The following UTRN variants were observed in gnomAD, a reference collection of about 807,000 sequenced individuals.
UTRN encodes dystrophin-related protein 1.
A neutral mutation model predicts 463.9 loss-of-function variants in UTRN; 283 were observed. The observed-to-expected ratio is 0.61, with a 90% CI of 0.55 to 0.67. The LOEUF (loss-of-function observed/expected upper bound fraction) is 0.67, where lower values mean the gene tolerates loss of function less well. Among genes scored for constraint, UTRN ranks in the 30% least tolerant of loss-of-function variants. The pLI, the probability that UTRN is intolerant of heterozygous loss-of-function variation, is 0.00. For missense variants in UTRN, 3,922 were observed against 4,084.3 expected (o/e 0.96, Z 1.08); for synonymous variants, 1,442 against 1,431.5 (o/e 1.01, Z -0.17).
intron 51 of UTRN, among the ~76,000 whole-genome samples, chr6:144,605,288 A>G (rs1050595979): frequency 6.6e-6 from 1 of 152,150 alleles, no homozygotes; most frequent in Non-Finnish European, 1.5e-5. Flanking sequence ...TCAAAATTTT[A>G]TAGCACATCT....
At chr6:144,667,620 A>T (rs1026970249) in intron 51 of UTRN, among the ~76,000 whole-genome samples, 4 of 152,226 alleles carry the variant, frequency 2.6e-5, no homozygotes, top group Admixed American at 2.0e-4. Flanking sequence ...GCAAAACACT[A>T]TCTGCACACC....
At chr6:144,499,801 C>T (rs957694127) in intron 34 of UTRN, among the ~76,000 whole-genome samples, 6 of 152,188 alleles carry the variant, frequency 3.9e-5, no homozygotes, top group African/African-American at 9.6e-5. Flanking sequence ...CAGTGTTTAT[C>T]GTTCCCTTCT....
intron 2 of UTRN, among the ~76,000 whole-genome samples, chr6:144,368,524 C>T (rs752354010): frequency 7.2e-5 from 11 of 152,054 alleles, no homozygotes; most frequent in African/African-American, 1.4e-4. Context: ...GTAATCCCAG[C>T]GCTTTGGGAG....
At chr6:144,840,681 A>G (rs1781490134) in intron 72 of UTRN, 59 bp from the exon 73 acceptor site, 1 of 1,583,112 alleles carries the variant, frequency 6.3e-7, no homozygotes, top group Admixed American at 1.7e-5. Flanking sequence ...TTTGGGTTTT[A>G]GTGGAAGGCT....
intron 2 of UTRN, among the ~76,000 whole-genome samples, chr6:144,366,957 T>C (rs1779561799): frequency 6.6e-6 from 1 of 152,182 alleles, no homozygotes; most frequent in South Asian, 2.1e-4. Flanking sequence ...TGATGTGAGA[T>C]GGTATCTCTA....
rs1401771954 is a variant in UTRN at position 144,822,794 on chromosome 6, T to C, written c.9494+1776T>C. Among the ~76,000 whole-genome samples the C allele has an allele frequency of 8.5e-5, 13 of 152,132 alleles. 1 individual carries two copies. In the East Asian group the frequency reaches 2.5e-3, roughly 29 times the overall value. ...GTACTTTTTTTGTATCCCATCCAGT[T>C]AACCTTTGGAATGGATAATTCTGAG... On this transcript the variant is annotated intron_variant, in intron 66 of 74. Transcript: ENST00000367545.
intron 52 of UTRN, among the ~76,000 whole-genome samples, chr6:144,691,236 C>T (rs1203942217): frequency 1.3e-5 from 2 of 152,170 alleles, no homozygotes; most frequent in African/African-American, 4.8e-5. Flanking sequence ...CATGCCTCAG[C>T]CTCCCATGTA....
At chr6:144,597,775 AC>A (rs1803812573) in intron 51 of UTRN, among the ~76,000 whole-genome samples, 1 of 152,142 alleles carries the variant, frequency 6.6e-6, no homozygotes, top group Admixed American at 6.5e-5. Context: ...TCATAACTAT[AC>A]CTTTTTGTTT....
chr6:144,362,974 G>A (rs1366200422), intron 2 of UTRN, among the ~76,000 whole-genome samples: 3 of 152,152 alleles, frequency 2.0e-5, no homozygotes, highest in Non-Finnish European at 4.4e-5. Context: ...TTTGTATTAT[G>A]TGGGTTTGCT....
chr6:144,716,475 A>G (rs759784327), intron 53 of UTRN, among the ~76,000 whole-genome samples: 4 of 152,174 alleles, frequency 2.6e-5, no homozygotes, highest in Non-Finnish European at 5.9e-5. Context: ...GGAAAGTTTT[A>G]TAATTGTTAC....
intron 33 of UTRN, among the ~76,000 whole-genome samples, chr6:144,494,758 A>G (rs1366860125): frequency 6.6e-6 from 1 of 152,144 alleles, no homozygotes; most frequent in Non-Finnish European, 1.5e-5. Flanking sequence ...CTAGATACAG[A>G]GTGTTGATTG....
At chr6:144,550,449 T>G (rs912409062) in intron 47 of UTRN, among the ~76,000 whole-genome samples, 5 of 152,204 alleles carry the variant, frequency 3.3e-5, no homozygotes, top group Non-Finnish European at 4.4e-5. Context: ...TTATTAGCAC[T>G]GAGAGACAAA....
chr6:144,808,516 A>C (rs1778341477), intron 65 of UTRN, among the ~76,000 whole-genome samples: 1 of 152,116 alleles, frequency 6.6e-6, no homozygotes, highest in African/African-American at 2.4e-5. Context: ...AGAGCATATA[A>C]AAGATAGTGT....
At chr6:144,817,235 T>C (rs912496506) in intron 65 of UTRN, among the ~76,000 whole-genome samples, 2 of 152,190 alleles carry the variant, frequency 1.3e-5, no homozygotes, top group Non-Finnish European at 2.9e-5. Flanking sequence ...AGGTACAAGG[T>C]CCTATGCTAA....
intron 43 of UTRN, among the ~76,000 whole-genome samples, chr6:144,534,652 T>C (rs966815353): frequency 2.0e-5 from 3 of 152,370 alleles, no homozygotes; most frequent in Middle Eastern, 3.4e-3. Context: ...GATTGATTAA[T>C]GACTTGATCG....
intron 51 of UTRN, chr6:144,660,174 T>C (rs1779723035): frequency 2.1e-6 from 1 of 470,494 alleles, no homozygotes; most frequent in South Asian, 1.5e-5. Context: ...TAAACGCTGT[T>C]GTCTGAAGGA....
At chr6:144,502,925 T>A (rs776830370) in intron 34 of UTRN, among the ~76,000 whole-genome samples, 18 of 152,246 alleles carry the variant, frequency 1.2e-4, no homozygotes, top group Non-Finnish European at 1.9e-4. Flanking sequence ...GTTTCCTGAC[T>A]TTTTAATAAT....
intron 17 of UTRN, among the ~76,000 whole-genome samples, chr6:144,450,880 G>A (rs752193083): frequency 6.6e-6 from 1 of 152,160 alleles, no homozygotes; most frequent in Non-Finnish European, 1.5e-5. Context: ...TGTAATCACA[G>A]CACTTTGGGA....
At chr6:144,341,813 A>G (rs893373032) in intron 2 of UTRN, among the ~76,000 whole-genome samples, 1 of 152,230 alleles carries the variant, frequency 6.6e-6, no homozygotes, top group Non-Finnish European at 1.5e-5. Context: ...AAGCAGGGCC[A>G]ACTTCTTTCA....
Sources: gnomAD v4.1 joint callset for allele counts (sites outside exome capture counted in the v4.1 genomes callset) on GRCh38, gnomAD v4.1.1 for gene constraint, MANE v1.5 for transcripts, NCBI Gene and HGNC (gene_info 2026-07-23, HGNC 2026-07-21) for gene names.